ARHGEF26: variants seen among roughly 807,000 people sequenced by gnomAD.
The protein encoded by ARHGEF26 is Rho guanine nucleotide exchange factor 26.
ARHGEF26 carries 59 observed loss-of-function variants against 89.4 expected under a neutral mutation model. The observed-to-expected ratio is 0.66, with a 90% CI of 0.54 to 0.82. The LOEUF (loss-of-function observed/expected upper bound fraction) is 0.82, where lower values mean the gene tolerates loss of function less well. Ranked by LOEUF, ARHGEF26 falls within the 40% of genes least tolerant of loss-of-function variation. The pLI, the probability that ARHGEF26 is intolerant of heterozygous loss-of-function variation, is 0.00. For missense variants in ARHGEF26, 1,234 were observed against 1,085.6 expected, an observed-to-expected ratio of 1.14 and a Z score of -1.92; for synonymous variants, 500 against 428.4, an observed-to-expected ratio of 1.17 and a Z score of -2.06.
intron 11 of ARHGEF26, among the ~76,000 whole-genome samples, chr3:154,227,801 C>A (rs1025616485): frequency 1.4e-4 from 22 of 152,192 alleles, no homozygotes; most frequent in African/African-American, 4.8e-4. Flanking sequence ...AGAGCTTTAA[C>A]TAAAATTTGA....
intron 6 of ARHGEF26, among the ~76,000 whole-genome samples, chr3:154,179,085 T>C (rs1713020130): frequency 6.6e-6 from 1 of 152,242 alleles, no homozygotes; most frequent in African/African-American, 2.4e-5. Flanking sequence ...ATACAAGCAC[T>C]AGATGTTTCA....
intron 12 of ARHGEF26, among the ~76,000 whole-genome samples, chr3:154,251,057 T>C (rs355753): frequency 0.91 from 137,809 of 152,082 alleles, 62,677 homozygotes; most frequent in East Asian, 1. Context: ...ACCATCTTGA[T>C]CAAGGCCCAG....
chr3:154,212,587 A>T (rs1304344259), intron 9 of ARHGEF26, among the ~76,000 whole-genome samples: 1 of 138,720 alleles, frequency 7.2e-6, no homozygotes, highest in Admixed American at 7.1e-5. Context: ...CGATTTTTCC[A>T]CAGACGGGTG....
In ARHGEF26 at chr3:154,222,237, GC is replaced by G. The variant is rs1716178041; in HGVS notation, c.1936-3618del. ...TTTGGAGGAAAGTAAATTTTGTAGG[GC>G]ATGTGTGTGTGTTTTTCATTGTCAT... On this transcript the variant is annotated intron_variant, in intron 10 of 14. Coordinates refer to ENST00000465093, the MANE Select transcript of ARHGEF26 (RefSeq NM_015595.4). Among the ~76,000 whole-genome samples the G allele has an allele frequency of 2.0e-5, 3 of 152,260 alleles. No homozygotes were observed. In the East Asian group the frequency reaches 5.8e-4, roughly 29 times the overall value.
chr3:154,249,623 G>A (rs944202960), intron 12 of ARHGEF26, among the ~76,000 whole-genome samples: 7 of 152,110 alleles, frequency 4.6e-5, no homozygotes, highest in Admixed American at 3.9e-4. Context: ...TACTGAGGGC[G>A]GTAAAAAGCA....
chr3:154,225,533 A>G (rs965538187), intron 10 of ARHGEF26, among the ~76,000 whole-genome samples: 4 of 152,162 alleles, frequency 2.6e-5, no homozygotes, highest in African/African-American at 9.6e-5. Context: ...AATTGTAAAT[A>G]ACTCCTTACT....
intron 12 of ARHGEF26, among the ~76,000 whole-genome samples, chr3:154,242,398 C>T (rs1204057475): frequency 6.6e-6 from 1 of 152,128 alleles, no homozygotes; most frequent in Non-Finnish European, 1.5e-5. Context: ...GGGTTCAAGA[C>T]TTCAGCGGAG....
intron 11 of ARHGEF26, among the ~76,000 whole-genome samples, chr3:154,232,886 G>A (rs1716900830): frequency 6.6e-6 from 1 of 151,492 alleles, no homozygotes. Flanking sequence ...GGAGTGCAGT[G>A]GCATGATCTC....
chr3:154,135,907 T>C (rs1488967554), intron 4 of ARHGEF26, among the ~76,000 whole-genome samples: 1 of 152,194 alleles, frequency 6.6e-6, no homozygotes, highest in Non-Finnish European at 1.5e-5. Flanking sequence ...TATGAAGAAA[T>C]GACTGTTGCA....
chr3:154,207,793 A>G (rs965227442), intron 9 of ARHGEF26, among the ~76,000 whole-genome samples: 2 of 152,188 alleles, frequency 1.3e-5, no homozygotes, highest in African/African-American at 2.4e-5. Context: ...AGACACATGC[A>G]CATGTATGTT....
chr3:154,255,715 C>T lies in ARHGEF26; in HGVS notation c.*242C>T, dbSNP rs1247181857. On this transcript the variant is annotated 3_prime_UTR_variant, in exon 15 of 15. Transcript: ENST00000465093. ...AGACCTCCTGAGGTACACAGAATAG[C>T]TGAGCAGTTCACTTCAGGGATCAGG... The T allele has an allele frequency of 1.3e-5, 17 of 1,307,472 alleles. No individual in the cohort carries two copies. The highest frequency in any genetic ancestry group is 2.9e-4 in the Middle Eastern group (1 of 3,472). The allele number at this position is 1,307,472 out of a possible 1,614,324, so 81.0% of individuals were successfully genotyped here.
rs1271075701 is a variant in ARHGEF26, at chr3:154,240,475, AATGCTCT to A, written c.2199_2205del (p.Met733IlefsTer13). ...CTTCTCCAGGGAAGAACAGCTCCACAATGCTCTATTCAAGACAGAGCTCTGCCAGTCA... is the reference window on the plus strand; with the variant it reads ...CTTCTCCAGGGAAGAACAGCTCCACAATTCAAGACAGAGCTCTGCCAGTCA... On this transcript the variant is annotated frameshift_variant, in exon 12 of 15. Coordinates refer to ENST00000465093, the MANE Select transcript of ARHGEF26 (RefSeq NM_015595.4). LOFTEE classifies it high-confidence loss of function. 3 of 1,613,466 alleles carry A rather than the reference AATGCTCT, an allele frequency of 1.9e-6. No homozygotes were observed. Among genetic ancestry groups the A allele is most frequent in the Non-Finnish European group, 2.5e-6 (3 of 1,179,630 alleles).
intron 7 of ARHGEF26, among the ~76,000 whole-genome samples, chr3:154,188,043 C>T (rs956206257): frequency 2.0e-5 from 3 of 152,024 alleles, no homozygotes; most frequent in Admixed American, 6.6e-5. Flanking sequence ...TTCTCTCTTA[C>T]GAAATTATAG....
intron 10 of ARHGEF26, among the ~76,000 whole-genome samples, chr3:154,221,701 A>G (rs1279075719): frequency 6.6e-6 from 1 of 152,220 alleles, no homozygotes; most frequent in Non-Finnish European, 1.5e-5. Context: ...TTAAATGAAA[A>G]AAGTAAGGTT....
At chr3:154,180,952 T>C (rs890730570) in intron 6 of ARHGEF26, among the ~76,000 whole-genome samples, 8 of 152,178 alleles carry the variant, frequency 5.3e-5, no homozygotes, top group Non-Finnish European at 1.0e-4. Context: ...TCCTCAGCAC[T>C]GATTTTGATG....
At chr3:154,148,679 A>C (rs1324500406) in intron 4 of ARHGEF26, among the ~76,000 whole-genome samples, 1 of 152,142 alleles carries the variant, frequency 6.6e-6, no homozygotes, top group Admixed American at 6.5e-5. Context: ...CATCTGCCGG[A>C]CTTTGGGTCA....
At chr3:154,162,410 A>T (rs1476049776) in intron 6 of ARHGEF26, among the ~76,000 whole-genome samples, 1 of 152,202 alleles carries the variant, frequency 6.6e-6, no homozygotes, top group African/African-American at 2.4e-5. Flanking sequence ...ATTAATTATT[A>T]GCATCTGGGC....
chr3:154,124,008 A>G (rs1718165846), intron 2 of ARHGEF26, among the ~76,000 whole-genome samples: 1 of 152,232 alleles, frequency 6.6e-6, no homozygotes, highest in Non-Finnish European at 1.5e-5. Flanking sequence ...AACACAAGCA[A>G]GCCTGTTTTA....
At chr3:154,145,581 G>C (rs1287127657) in intron 4 of ARHGEF26, among the ~76,000 whole-genome samples, 1 of 152,062 alleles carries the variant, frequency 6.6e-6, no homozygotes, top group South Asian at 2.1e-4. Context: ...TGAGGCTTTT[G>C]GGTTCTTCCC....
Sources: gnomAD v4.1 joint callset for allele counts (sites outside exome capture counted in the v4.1 genomes callset) on GRCh38, gnomAD v4.1.1 for gene constraint, MANE v1.5 for transcripts, NCBI Gene and HGNC (gene_info 2026-07-23, HGNC 2026-07-21) for gene names.